SLC9C1: variants seen among roughly 807,000 people sequenced by gnomAD.
The protein encoded by SLC9C1 is solute carrier family 9 member C1.
Under a neutral mutation model 140.9 loss-of-function variants are expected in SLC9C1, and 97 were observed. That is an observed-to-expected ratio of 0.69 (90% CI 0.58 to 0.82). The LOEUF is 0.82. SLC9C1 is among the 40% of genes least tolerant of loss of function. SLC9C1 has a pLI of 0.00. For synonymous variants in SLC9C1, 440 were observed against 442.6 expected (o/e 0.99, Z 0.07); for missense variants, 1,340 against 1,389.3 (o/e 0.96, Z 0.56).
Position 112,221,172 on chromosome 3 carries a change from C to T in SLC9C1, c.1626G>A (p.Gln542=), listed in dbSNP as rs776072507. 2.1e-5 allele frequency: 34 copies of T among 1,613,554 alleles called. No homozygotes were observed. The highest frequency in any genetic ancestry group is 1.5e-4 in the Admixed American group (9 of 59,936). Residue 542 remains glutamine, a synonymous_variant, in exon 14 of 29, where the codon CAG becomes CAA. Transcript: ENST00000305815. ...RNEILSQSAV[Q]VLVGAAESFG... ...AACTTTCTGCTGCACCAACCAACAC[C>T]TGGACAGCACTCTGGGACAGAATCT...
At chr3:112,280,349 C>G (rs1377244110) in intron 3 of SLC9C1, among the ~76,000 whole-genome samples, 2 of 152,210 alleles carry the variant, frequency 1.3e-5, no homozygotes, top group African/African-American at 4.8e-5. Flanking sequence ...AGTACAAAGT[C>G]TCCCTGAGCT....
intron 26 of SLC9C1, among the ~76,000 whole-genome samples, chr3:112,155,460 G>C (rs2075103060): frequency 6.6e-6 from 1 of 152,106 alleles, no homozygotes; most frequent in Non-Finnish European, 1.5e-5. Flanking sequence ...AATATGACGT[G>C]GTAAAAACAG....
intron 28 of SLC9C1, among the ~76,000 whole-genome samples, chr3:112,149,589 C>T (rs750669402): frequency 1.3e-5 from 2 of 152,004 alleles, no homozygotes; most frequent in Non-Finnish European, 2.9e-5. Context: ...AGCCCTGCTG[C>T]ACCACAATCT....
At chr3:112,267,326 C>T (rs540623439) in intron 7 of SLC9C1, among the ~76,000 whole-genome samples, 14 of 152,060 alleles carry the variant, frequency 9.2e-5, no homozygotes, top group South Asian at 4.2e-4. Context: ...CCTGTAATCC[C>T]AGCACTTTGG....
chr3:112,154,826 A>G (rs2075082014), intron 27 of SLC9C1, among the ~76,000 whole-genome samples, 171 bp downstream of exon 27: 1 of 152,224 alleles, frequency 6.6e-6, no homozygotes, highest in African/African-American at 2.4e-5. Context: ...CCTAAAAATA[A>G]GTATAATTTC....
At chr3:112,208,015 A>T (rs191328335) in intron 16 of SLC9C1, among the ~76,000 whole-genome samples, 163 bp downstream of exon 16, 1 of 152,294 alleles carries the variant, frequency 6.6e-6, no homozygotes, top group Admixed American at 6.5e-5. Context: ...TTATCTATTG[A>T]GTTACTATAA....
At chr3:112,244,902 G>A (rs559757296) in intron 10 of SLC9C1, among the ~76,000 whole-genome samples, 7 of 152,264 alleles carry the variant, frequency 4.6e-5, no homozygotes, top group South Asian at 4.1e-4. Flanking sequence ...GATCTAATTC[G>A]TCAAGGGTGC....
intron 8 of SLC9C1, among the ~76,000 whole-genome samples, chr3:112,266,017 A>G (rs1170870223): frequency 1.3e-5 from 2 of 152,176 alleles, no homozygotes; most frequent in Non-Finnish European, 2.9e-5. Flanking sequence ...GAGTGGGGAA[A>G]GAGAACCAAC....
intron 12 of SLC9C1, among the ~76,000 whole-genome samples, chr3:112,236,374 G>T (rs1036418416): frequency 6.6e-6 from 1 of 151,850 alleles, no homozygotes; most frequent in African/African-American, 2.4e-5. Context: ...TTCTTTATTA[G>T]TCTTGCTGGT....
chr3:112,246,979 C>T (rs533572322), intron 10 of SLC9C1, among the ~76,000 whole-genome samples: 3 of 152,268 alleles, frequency 2.0e-5, no homozygotes, highest in Admixed American at 6.5e-5. Context: ...CCATTTTCCT[C>T]CAGTTTTCTC....
chr3:112,188,015 C>T (rs1461518635), intron 20 of SLC9C1, among the ~76,000 whole-genome samples: 3 of 151,452 alleles, frequency 2.0e-5, no homozygotes, highest in Non-Finnish European at 2.9e-5. Context: ...TATATGTTTC[C>T]ACATCTATTT....
intron 2 of SLC9C1, among the ~76,000 whole-genome samples, chr3:112,283,218 C>T (rs765195157): frequency 6.6e-6 from 1 of 152,162 alleles, no homozygotes; most frequent in Non-Finnish European, 1.5e-5. Context: ...CATGGAGGCT[C>T]ATGCCTGTGA....
chr3:112,273,673 C>A (rs1169269888), intron 6 of SLC9C1, among the ~76,000 whole-genome samples: 5 of 152,008 alleles, frequency 3.3e-5, no homozygotes, highest in African/African-American at 1.2e-4. Context: ...ATACAGGGTC[C>A]CTGGTTGCAC....
chr3:112,264,317 G>A lies in SLC9C1; in HGVS notation c.905C>T (p.Ala302Val). Residue 302 changes from alanine (A) to valine (V), a missense_variant, in exon 9 of 29, where the codon GCT becomes GTT. Coordinates refer to ENST00000305815, the MANE Select transcript of SLC9C1 (RefSeq NM_183061.3). The stretch of plus-strand genomic sequence containing the variant: ...AAAGAAAGTAAACACCATGAGAAAA[G>A]CAATACGTGATAGAAAAGTCCAGAA... ...LEFWTFLSRI[A>V]FLMVFTFFGL... 1.4e-6 allele frequency: 2 copies of A among 1,468,224 alleles called. No homozygotes were observed. Among genetic ancestry groups the A allele is most frequent in the East Asian group, 2.7e-5 (1 of 37,256 alleles). 90.9% of individuals were successfully genotyped at this position (1,468,224 alleles called of 1,614,324 possible).
chr3:112,170,611 A>G (rs2077228069), intron 23 of SLC9C1, among the ~76,000 whole-genome samples: 1 of 152,224 alleles, frequency 6.6e-6, no homozygotes, highest in South Asian at 2.1e-4. Flanking sequence ...ACCTTTTTAG[A>G]TAAATATATG....
chr3:112,182,027 A>G, intron 21 of SLC9C1, 106 bp downstream of exon 21: 2 of 937,880 alleles, frequency 2.1e-6, no homozygotes, highest in East Asian at 6.1e-5. Flanking sequence ...AGAAATAAGG[A>G]ACATTTAGAG....
chr3:112,264,200 C>T lies in SLC9C1; in HGVS notation c.1022G>A (p.Arg341Lys). The part of the protein sequence containing the change: ...LNIYLTLIVL[R>K]FLTLLLISPV... The stretch of plus-strand genomic sequence containing the variant: ...AGAAAAATTTTAATGATGTTCTTAC[C>T]TTAAAACAATCAATGTTAAGTAGAT... Residue 341 changes from arginine (R) to lysine (K), a missense_variant and splice_region_variant, in exon 9 of 29, where the codon AGA (arginine) becomes AAA (lysine). Coordinates refer to ENST00000305815, the MANE Select transcript of SLC9C1 (RefSeq NM_183061.3). 1.7e-6 allele frequency: 2 copies of T among 1,155,510 alleles called. No homozygotes were observed. Among genetic ancestry groups the T allele is most frequent in the South Asian group, 2.6e-5 (1 of 39,036 alleles). The allele number at this position is 1,155,510 out of a possible 1,614,324, so 71.6% of individuals were successfully genotyped here. A position where few individuals can be genotyped will look rare whatever the true frequency, so the allele number is the denominator to read the frequency against.
chr3:112,269,240 G>A (rs2080006048), intron 7 of SLC9C1, among the ~76,000 whole-genome samples: 1 of 152,128 alleles, frequency 6.6e-6, no homozygotes, highest in Admixed American at 6.6e-5. Context: ...CTCCTGAGGA[G>A]CTGGGACTAC....
intron 28 of SLC9C1, among the ~76,000 whole-genome samples, chr3:112,141,823 T>C (rs756069898): frequency 1.3e-5 from 2 of 152,184 alleles, no homozygotes; most frequent in Non-Finnish European, 2.9e-5. Context: ...AATTCCATAA[T>C]TAAATAACTT....
Sources: gnomAD v4.1 joint callset for allele counts (sites outside exome capture counted in the v4.1 genomes callset) on GRCh38, gnomAD v4.1.1 for gene constraint, MANE v1.5 for transcripts, NCBI Gene and HGNC (gene_info 2026-07-23, HGNC 2026-07-21) for gene names.